Variants in MACROD2 observed in about 807,000 individuals in gnomAD.
MACROD2 encodes mono-ADP ribosylhydrolase 2, also known as ADP-ribose glycohydrolase MACROD2.
MACROD2 carries 36 observed loss-of-function variants against 70.4 expected under a neutral mutation model. The observed-to-expected ratio is 0.51, with a 90% CI of 0.39 to 0.68. The LOEUF (loss-of-function observed/expected upper bound fraction) is 0.68. Among genes scored for constraint, MACROD2 ranks in the 30% least tolerant of loss-of-function variants. The pLI, the probability that MACROD2 is intolerant of heterozygous loss-of-function variation, is 0.00. For missense variants in MACROD2, 496 were observed against 538.4 expected (o/e 0.92, Z 0.78); for synonymous variants, 172 against 178.8 (o/e 0.96, Z 0.30).
intron 4 of MACROD2, chr20:14,622,032 G>T (rs1323446359): frequency 6.6e-6 from 1 of 152,032 alleles, no homozygotes; most frequent in African/African-American, 2.4e-5. Context: ...AGAGCTCAAA[G>T]AAGGTAAAAT....
intron 5 of MACROD2, among the ~76,000 whole-genome samples, chr20:14,865,657 C>T (rs1356777638): frequency 6.6e-6 from 1 of 152,038 alleles, no homozygotes; most frequent in African/African-American, 2.4e-5. Context: ...ATTACTACTA[C>T]TATTGATAAT....
intron 3 of MACROD2, among the ~76,000 whole-genome samples, chr20:14,262,127 GA>G (rs1200267347): frequency 6.6e-6 from 1 of 152,180 alleles, no homozygotes; most frequent in African/African-American, 2.4e-5. Context: ...TGTTCTAAAT[GA>G]AATGTAAGAT....
chr20:14,943,165 TTGTC>T (rs2074404305), intron 5 of MACROD2, among the ~76,000 whole-genome samples: 1 of 152,180 alleles, frequency 6.6e-6, no homozygotes, highest in Non-Finnish European at 1.5e-5. Flanking sequence ...TTGAAAGACT[TTGTC>T]TGCACCAACT....
At chr20:14,114,816 T>C (rs2054495561) in intron 3 of MACROD2, among the ~76,000 whole-genome samples, 2 of 152,162 alleles carry the variant, frequency 1.3e-5, no homozygotes, top group South Asian at 4.1e-4. Flanking sequence ...AACAGTGTCA[T>C]TGATTGGATA....
chr20:15,809,901 A>G (rs1600927377), intron 8 of MACROD2, among the ~76,000 whole-genome samples: 1 of 147,026 alleles, frequency 6.8e-6, no homozygotes, highest in African/African-American at 2.5e-5. Context: ...TTTAGGGTAC[A>G]TGTGCACAAC....
At chr20:15,318,664 A>G (rs1465715644) in intron 6 of MACROD2, among the ~76,000 whole-genome samples, 2 of 152,278 alleles carry the variant, frequency 1.3e-5, no homozygotes. Flanking sequence ...AGAGTCATTC[A>G]ATAAGATAAC....
At chr20:14,103,226 A>AT (rs1342844449) in intron 3 of MACROD2, among the ~76,000 whole-genome samples, 2 of 151,990 alleles carry the variant, frequency 1.3e-5, no homozygotes, top group Non-Finnish European at 2.9e-5. Context: ...TTCTGAGTTT[A>AT]TTTTTTTGTT....
Position 14,633,179 on chromosome 20 carries a change from C to T in MACROD2, c.302-51664C>T, listed in dbSNP as rs556543941. On this transcript the variant is annotated intron_variant, in intron 4 of 17. Transcript: ENST00000684519. The stretch of plus-strand genomic sequence containing the variant: ...CTGCCTCTGTGGTCACGTTGCCTTC[C>T]CCTTATTTGTCTGGGTTGAATTTCC... Among the ~76,000 whole-genome samples, 4 of 152,296 alleles carry T rather than the reference C, an allele frequency of 2.6e-5. No individual in the cohort carries two copies. The East Asian group carries it at 5.8e-4, about 22-fold the overall frequency.
intron 8 of MACROD2, among the ~76,000 whole-genome samples, chr20:15,696,286 A>G (rs1313032823): frequency 1.3e-5 from 2 of 152,242 alleles, no homozygotes; most frequent in African/African-American, 2.4e-5. Context: ...CTTGTTCTGC[A>G]TCTATTGAGA....
At chr20:15,920,327 C>T (rs1352913501) in intron 10 of MACROD2, among the ~76,000 whole-genome samples, 2 of 152,068 alleles carry the variant, frequency 1.3e-5, no homozygotes, top group Non-Finnish European at 2.9e-5. Flanking sequence ...ATATTGGAAG[C>T]AACTGTCTCA....
intron 13 of MACROD2, among the ~76,000 whole-genome samples, chr20:15,984,095 A>G (rs2066441128): frequency 6.7e-6 from 1 of 148,394 alleles, no homozygotes; most frequent in Non-Finnish European, 1.5e-5. Context: ...ATGTTTGACC[A>G]TAAGGTAAGA....
chr20:14,440,301 G>T (rs1162732544), intron 3 of MACROD2, among the ~76,000 whole-genome samples: 1 of 152,072 alleles, frequency 6.6e-6, no homozygotes, highest in African/African-American at 2.4e-5. Flanking sequence ...TTTGAATGCA[G>T]CCCAACACAA....
At chr20:15,381,249 C>T (rs1031310904) in intron 6 of MACROD2, among the ~76,000 whole-genome samples, 6 of 151,878 alleles carry the variant, frequency 4.0e-5, no homozygotes, top group African/African-American at 1.2e-4. Flanking sequence ...ACCAGCACAG[C>T]GCTGTGATAG....
At chr20:14,315,503 A>G (rs1240409478) in intron 3 of MACROD2, among the ~76,000 whole-genome samples, 1 of 152,156 alleles carries the variant, frequency 6.6e-6, no homozygotes, top group Non-Finnish European at 1.5e-5. Flanking sequence ...AACTACAGGG[A>G]AAAAAAGACT....
intron 8 of MACROD2, among the ~76,000 whole-genome samples, chr20:15,691,851 A>G (rs1047652082): frequency 6.6e-6 from 1 of 152,176 alleles, no homozygotes; most frequent in African/African-American, 2.4e-5. Context: ...AATGACTCCA[A>G]CTGCTGTTTT....
At chr20:14,542,276 A>G (rs1352334503) in intron 4 of MACROD2, among the ~76,000 whole-genome samples, 1 of 152,240 alleles carries the variant, frequency 6.6e-6, no homozygotes, top group Non-Finnish European at 1.5e-5. Context: ...AAGCTAATCC[A>G]TAGGCATCAC....
chr20:15,806,928 G>T (rs926971877), intron 8 of MACROD2, among the ~76,000 whole-genome samples: 1 of 152,090 alleles, frequency 6.6e-6, no homozygotes, highest in Non-Finnish European at 1.5e-5. Flanking sequence ...TGATAGGTTT[G>T]AGCTATTTTC....
intron 11 of MACROD2, 111 bp downstream of exon 11, chr20:15,933,449 T>G (rs1218894312): frequency 1.0e-6 from 1 of 965,742 alleles, no homozygotes; most frequent in African/African-American, 1.6e-5. Flanking sequence ...CCAGATGAAC[T>G]CCAGTGTTCA....
intron 5 of MACROD2, among the ~76,000 whole-genome samples, chr20:14,687,724 T>C (rs1033506620): frequency 3.3e-5 from 5 of 152,116 alleles, no homozygotes; most frequent in Non-Finnish European, 7.4e-5. Context: ...ACTCATCCAA[T>C]AGAATAGAAA....
Sources: allele counts gnomAD v4.1 joint callset (sites outside exome capture counted in the v4.1 genomes callset), GRCh38; gene constraint gnomAD v4.1.1; transcripts MANE v1.5; gene names NCBI Gene and HGNC (gene_info 2026-07-23, HGNC 2026-07-21).